The following NUDCD3 variants were observed in gnomAD, a reference collection of about 807,000 sequenced individuals.
NUDCD3 encodes the protein NudC domain containing 3, also known as nudC domain-containing protein 3.
Under a neutral mutation model 39.7 loss-of-function variants are expected in NUDCD3, and 13 were observed. The observed-to-expected ratio is 0.33, with a 90% CI of 0.21 to 0.52. NUDCD3 has a LOEUF of 0.52. Ranked by LOEUF, NUDCD3 falls within the 20% of genes least tolerant of loss-of-function variation. NUDCD3 has a pLI of 0.96. For missense variants in NUDCD3, 453 were observed against 458.1 expected (o/e 0.99, Z 0.10); for synonymous variants, 175 against 172.4 (o/e 1.02, Z -0.12).
rs1432186025 is a variant in NUDCD3 at position 44,424,377 on chromosome 7, T to C, written c.642+3194A>G. Among the ~76,000 whole-genome samples, 10 of 151,664 alleles carry C rather than the reference T, an allele frequency of 6.6e-5. No homozygotes were observed. In the East Asian group the frequency reaches 1.9e-3, roughly 29 times the overall value. ...AGGCAACCCACAGAATGGGAGAAAA[T>C]TTTTGCAATCTATCCATCTGACAAA... On this transcript the variant is annotated intron_variant, in intron 3 of 5. Coordinates refer to ENST00000355451, the MANE Select transcript of NUDCD3 (RefSeq NM_015332.4).
At position 44,435,688 on chromosome 7, in the gene NUDCD3, A is replaced by G. The variant is rs187598455; in HGVS notation, c.510-7985T>C. The stretch of plus-strand genomic sequence containing the variant: ...TGCACCATCTTCTGTAATGAAGGCA[A>G]TGAGTCTGGCAACTTTCATTCATTC... On this transcript the variant is annotated intron_variant, in intron 2 of 5. Coordinates refer to ENST00000355451, the MANE Select transcript of NUDCD3 (RefSeq NM_015332.4). Among the ~76,000 whole-genome samples, 197 of 152,334 alleles carry G rather than the reference A, an allele frequency of 1.3e-3. 2 individuals are homozygous for G. The highest frequency in any genetic ancestry group is 4.5e-3 in the African/African-American group (188 of 41,568).
chr7:44,457,028 A>G (rs1400707743), intron 2 of NUDCD3, among the ~76,000 whole-genome samples: 2 of 129,388 alleles, frequency 1.5e-5, no homozygotes, highest in African/African-American at 7.6e-5. Flanking sequence ...TAACCTGGTT[A>G]AAAAAAAAAA....
At chr7:44,488,858 A>G (rs1397757065) in intron 1 of NUDCD3, among the ~76,000 whole-genome samples, 2 of 152,192 alleles carry the variant, frequency 1.3e-5, no homozygotes, top group Middle Eastern at 3.2e-3. Flanking sequence ...CAGGTTAATG[A>G]GTGCTCTGTC....
chr7:44,480,941 C>CAAAAAAAAA (rs1164765600), intron 2 of NUDCD3, among the ~76,000 whole-genome samples: 11 of 34,856 alleles, frequency 3.2e-4, no homozygotes, highest in East Asian at 1.7e-3. Flanking sequence ...GACCCAGTAT[C>CAAAAAAAAA]AAAAAAAAAA....
chr7:44,458,659 G>A lies in NUDCD3; in HGVS notation c.509+26309C>T, dbSNP rs546216268. ...CGCAACAAGAGCGAAACTCTGTCTC[G>A]GGGGAAAAAAAAAGTTCTGGAATTA... is the stretch of plus-strand genomic sequence containing the variant. On this transcript the variant is annotated intron_variant, in intron 2 of 5. Coordinates refer to ENST00000355451, the MANE Select transcript of NUDCD3 (RefSeq NM_015332.4). 6.3e-5 allele frequency among the ~76,000 whole-genome samples: 9 copies of A among 142,560 alleles called. No homozygotes were observed. In the East Asian group the frequency reaches 1.5e-3, roughly 24 times the overall value. 93.5% of individuals were successfully genotyped at this position (142,560 alleles called of 152,430 possible). A position where few individuals can be genotyped will look rare whatever the true frequency, so the allele number is the denominator to read the frequency against.
chr7:44,478,636 A>T (rs1800429903), intron 2 of NUDCD3, among the ~76,000 whole-genome samples: 1 of 152,242 alleles, frequency 6.6e-6, no homozygotes, highest in Non-Finnish European at 1.5e-5. Context: ...CAGCAACAGT[A>T]GGGCAGAAAC....
intron 4 of NUDCD3, among the ~76,000 whole-genome samples, chr7:44,395,070 T>TC (rs1798597685): frequency 6.6e-6 from 1 of 152,262 alleles, no homozygotes; most frequent in South Asian, 2.1e-4. Context: ...CAGAAATACT[T>TC]CATCTGTGTT....
chr7:44,456,045 A>C (rs1174869761), intron 2 of NUDCD3, among the ~76,000 whole-genome samples: 11 of 133,512 alleles, frequency 8.2e-5, no homozygotes, highest in Non-Finnish European at 1.5e-4. Flanking sequence ...AAAAAAAAAA[A>C]AAAAACAAAA....
chr7:44,400,800 C>T (rs1314325255), intron 4 of NUDCD3, among the ~76,000 whole-genome samples: 1 of 152,174 alleles, frequency 6.6e-6, no homozygotes, highest in Non-Finnish European at 1.5e-5. Context: ...GTGTCTATCT[C>T]TGTCTTCTCC....
chr7:44,426,782 C>T (rs1799244544), intron 3 of NUDCD3, among the ~76,000 whole-genome samples: 1 of 136,594 alleles, frequency 7.3e-6, no homozygotes, highest in African/African-American at 2.8e-5. Flanking sequence ...GGCGACAGAG[C>T]GAGACTCCGT....
chr7:44,394,400 G>C (rs1475678817), intron 4 of NUDCD3, among the ~76,000 whole-genome samples: 2 of 152,158 alleles, frequency 1.3e-5, no homozygotes, highest in Non-Finnish European at 2.9e-5. Context: ...CACCCTCAGA[G>C]ACCCCAACAC....
At chr7:44,481,392 C>A (rs1235151550) in intron 2 of NUDCD3, 1 of 152,262 alleles carries the variant, frequency 6.6e-6, no homozygotes, top group East Asian at 1.9e-4. Context: ...GGAGAAATTT[C>A]TTCTACTTCA....
At chr7:44,458,894 T>A (rs1799950525) in intron 2 of NUDCD3, among the ~76,000 whole-genome samples, 1 of 151,054 alleles carries the variant, frequency 6.6e-6, no homozygotes, top group South Asian at 2.1e-4. Flanking sequence ...CAAGGACACA[T>A]CTCAGTATAC....
intron 2 of NUDCD3, among the ~76,000 whole-genome samples, chr7:44,482,789 C>T (rs1800517961): frequency 6.6e-6 from 1 of 151,928 alleles, no homozygotes; most frequent in Non-Finnish European, 1.5e-5. Context: ...TCCCTAGAAA[C>T]AAACCAAGAA....
chr7:44,484,609 A>G (rs890727969), intron 2 of NUDCD3: 1 of 190,594 alleles, frequency 5.2e-6, no homozygotes. Context: ...ATCATGAGCA[A>G]ATCCTAGCAG....
intron 2 of NUDCD3, among the ~76,000 whole-genome samples, chr7:44,435,499 G>A (rs938472099): frequency 1.3e-5 from 2 of 152,150 alleles, no homozygotes; most frequent in African/African-American, 2.4e-5. Context: ...TTCATAAAAC[G>A]AAATCTCCAG....
intron 2 of NUDCD3, among the ~76,000 whole-genome samples, chr7:44,446,166 G>A (rs1799687191): frequency 6.6e-6 from 1 of 152,198 alleles, no homozygotes; most frequent in Non-Finnish European, 1.5e-5. Context: ...ACCTCTGGGT[G>A]TCACAGTTCT....
intron 3 of NUDCD3, chr7:44,426,126 T>C (rs1422317361): frequency 1.0e-6 from 1 of 985,310 alleles, no homozygotes; most frequent in African/African-American, 1.7e-5. Context: ...CAGGACTGGA[T>C]GGGGCTTCAA....
At chr7:44,416,382 C>A (rs1369410116) in intron 3 of NUDCD3, among the ~76,000 whole-genome samples, 1 of 152,002 alleles carries the variant, frequency 6.6e-6, no homozygotes, top group African/African-American at 2.4e-5. Flanking sequence ...AGCCACCATG[C>A]CAAGCCAAGA....
Sources: gnomAD v4.1 joint callset for allele counts (sites outside exome capture counted in the v4.1 genomes callset) on GRCh38, gnomAD v4.1.1 for gene constraint, MANE v1.5 for transcripts, NCBI Gene and HGNC (gene_info 2026-07-23, HGNC 2026-07-21) for gene names.